PARN: variants seen among roughly 807,000 people sequenced by gnomAD.
PARN encodes the protein poly(A)-specific ribonuclease PARN.
In PARN, 71 loss-of-function variants were observed where a neutral mutation model predicts 102.8. The ratio of observed to expected loss-of-function variants is 0.69; its 90% CI spans 0.57 to 0.84. PARN has a LOEUF of 0.84. PARN is among the 40% of genes least tolerant of loss of function. PARN has a pLI of 0.00. For missense variants in PARN, 782 were observed against 760.9 expected (o/e 1.03, Z -0.33); for synonymous variants, 261 against 252.9 (o/e 1.03, Z -0.30).
At chr16:14,468,927 A>G (rs1048591585) in intron 22 of PARN, among the ~76,000 whole-genome samples, 25 of 147,752 alleles carry the variant, frequency 1.7e-4, no homozygotes, top group East Asian at 8.0e-4. Context: ...AGATAGATAA[A>G]ATAAAATAAA....
In PARN at chr16:14,606,511, A is replaced by C. The variant is rs960670226; in HGVS notation, c.675T>G (p.Ile225Met). ...TTTCAGTTTCTAAAGTCTCAACATG[A>C]ATGCCTTTCGGATACCTAAAGAAAA... is the stretch of plus-strand genomic sequence containing the variant. Reference protein sequence around the residue: ...QTLSWKYPKGIHVETLETEKK... With the variant: ...QTLSWKYPKGMHVETLETEKK... Residue 225 changes from isoleucine (I) to methionine (M), a missense_variant, in exon 10 of 24, where the codon ATT becomes ATG. Transcript: ENST00000437198. 2 of 1,577,148 alleles carry C rather than the reference A, an allele frequency of 1.3e-6. No individual in the cohort carries two copies. Among genetic ancestry groups the C allele is most frequent in the African/African-American group, 2.7e-5 (2 of 74,196 alleles).
rs76522669 is a variant in PARN, at chr16:14,499,569, G to T, written c.1481-16742C>A. On this transcript the variant is annotated intron_variant, in intron 21 of 23. Transcript: ENST00000437198. ...GATATTGACATTGTTCAGCTTTCCA[G>T]ACTCAAGTCATTAAATCTCTAAATT... Among the ~76,000 whole-genome samples, 1,030 of 152,348 alleles carry T rather than the reference G, an allele frequency of 6.8e-3. 9 individuals carry two copies. Among genetic ancestry groups the T allele is most frequent in the African/African-American group, 0.022 (919 of 41,572 alleles).
intron 10 of PARN, among the ~76,000 whole-genome samples, chr16:14,605,672 T>G (rs577077497): frequency 2.2e-4 from 33 of 152,304 alleles, no homozygotes; most frequent in Non-Finnish European, 4.1e-4. Context: ...AATCTCTAAT[T>G]TTATACCTGA....
intron 11 of PARN, 131 bp downstream of exon 11, chr16:14,604,015 C>A: frequency 1.4e-6 from 1 of 714,364 alleles, no homozygotes; most frequent in Non-Finnish European, 2.5e-6. Flanking sequence ...GGTTTTTCTG[C>A]CAATTCCATT....
chr16:14,477,556 T>C (rs1963134400), intron 22 of PARN, among the ~76,000 whole-genome samples: 1 of 149,600 alleles, frequency 6.7e-6, no homozygotes, highest in South Asian at 2.1e-4. Context: ...GGCGGGTGGA[T>C]CACGAGGTCA....
chr16:14,589,009 G>A (rs537617337), intron 13 of PARN, among the ~76,000 whole-genome samples: 4 of 151,948 alleles, frequency 2.6e-5, no homozygotes, highest in East Asian at 1.9e-4. Flanking sequence ...GTGAAACTCC[G>A]TCTCTACTGA....
chr16:14,618,888 T>G (rs1222264701), intron 5 of PARN, among the ~76,000 whole-genome samples: 1 of 152,092 alleles, frequency 6.6e-6, no homozygotes, highest in African/African-American at 2.4e-5. Context: ...TAATTAAATG[T>G]TCTCAATGTT....
At chr16:14,610,618 C>A (rs753227029) in intron 7 of PARN, 26 bp downstream of exon 7, 1 of 1,473,812 alleles carries the variant, frequency 6.8e-7, no homozygotes, top group Admixed American at 1.7e-5. Flanking sequence ...ACACAATGCA[C>A]GCTTAGTTTT....
At chr16:14,563,733 C>G (rs1009155120) in intron 18 of PARN, among the ~76,000 whole-genome samples, 1 of 148,102 alleles carries the variant, frequency 6.8e-6, no homozygotes, top group Non-Finnish European at 1.5e-5. Flanking sequence ...AATTATATAA[C>G]TAGTATAATC....
At chr16:14,438,168 T>C (rs1299494244) in intron 23 of PARN, among the ~76,000 whole-genome samples, 1 of 152,184 alleles carries the variant, frequency 6.6e-6, no homozygotes, top group Non-Finnish European at 1.5e-5. Flanking sequence ...TGTGATAACC[T>C]GCAGCTAGCC....
At chr16:14,621,531 G>A (rs913555276) in intron 5 of PARN, among the ~76,000 whole-genome samples, 1 of 152,154 alleles carries the variant, frequency 6.6e-6, no homozygotes, top group African/African-American at 2.4e-5. Context: ...CTCTGAACTT[G>A]GCCAGACACG....
intron 18 of PARN, 90 bp from the exon 19 acceptor site, chr16:14,555,799 T>A (rs936921089): frequency 1.5e-4 from 84 of 564,032 alleles, no homozygotes; most frequent in Non-Finnish European, 1.7e-4. Flanking sequence ...AAAAAAAAAA[T>A]TTTAATAGGC....
rs763884499 is a variant in PARN, at chr16:14,630,235, T to C, written c.-110A>G. 1.2e-5 allele frequency: 12 copies of C among 967,748 alleles called. No individual in the cohort carries two copies. Among genetic ancestry groups the C allele is most frequent in the Admixed American group, 5.1e-5 (2 of 39,102 alleles). The allele number at this position is 967,748 out of a possible 1,614,324, so 59.9% of individuals were successfully genotyped here. On this transcript the variant is annotated 5_prime_UTR_variant, in exon 1 of 24. Coordinates refer to ENST00000437198, the MANE Select transcript of PARN (RefSeq NM_002582.4). The stretch of plus-strand genomic sequence containing the variant: ...GCAGTAGCTGAGGCAGCCGCAGCGG[T>C]GACGCCGGCCGCGACTTCCGGAAAC...
intron 2 of PARN, among the ~76,000 whole-genome samples, chr16:14,629,314 A>G (rs1342049118): frequency 6.6e-5 from 10 of 152,222 alleles, no homozygotes; most frequent in African/African-American, 2.4e-4. Flanking sequence ...GTCTGACCCT[A>G]ATCCTCAAGC....
chr16:14,630,067 C>T (rs757489769), intron 1 of PARN, 40 bp downstream of exon 1: 10 of 1,537,994 alleles, frequency 6.5e-6, no homozygotes, highest in East Asian at 2.4e-5. Flanking sequence ...CAGGGGCAGC[C>T]GGGTGTGGGG....
intron 10 of PARN, among the ~76,000 whole-genome samples, chr16:14,605,054 C>T (rs1971100263): frequency 6.6e-6 from 1 of 152,184 alleles, no homozygotes; most frequent in South Asian, 2.1e-4. Context: ...ATCCTCTCAC[C>T]TCAGCCTCCT....
chr16:14,592,323 T>C (rs1478557453), intron 13 of PARN, among the ~76,000 whole-genome samples: 3 of 152,124 alleles, frequency 2.0e-5, no homozygotes, highest in African/African-American at 7.2e-5. Flanking sequence ...CAGCATGAAA[T>C]GTATACCTGG....
chr16:14,593,158 G>A (rs1268596244), intron 13 of PARN, 143 bp downstream of exon 13: 14 of 566,528 alleles, frequency 2.5e-5, no homozygotes, highest in Admixed American at 6.5e-5. Flanking sequence ...GCAACTGAGT[G>A]CATAAGATTC....
At chr16:14,470,845 C>T (rs185786577) in intron 22 of PARN, among the ~76,000 whole-genome samples, 13 of 152,250 alleles carry the variant, frequency 8.5e-5, no homozygotes, top group Admixed American at 4.6e-4. Context: ...GGCATAATCA[C>T]GGCTCATCAC....
Sources: gnomAD v4.1 joint callset for allele counts (sites outside exome capture counted in the v4.1 genomes callset) on GRCh38, gnomAD v4.1.1 for gene constraint, MANE v1.5 for transcripts, NCBI Gene and HGNC (gene_info 2026-07-23, HGNC 2026-07-21) for gene names.